The following RASGEF1A variants were observed in gnomAD, a reference collection of about 807,000 sequenced individuals.
RASGEF1A encodes ras-GEF domain-containing family member 1A.
Under a neutral mutation model 56.4 loss-of-function variants are expected in RASGEF1A, and 18 were observed. That is an observed-to-expected ratio of 0.32 (90% CI 0.22 to 0.47). RASGEF1A has a LOEUF of 0.47. Ranked by LOEUF, RASGEF1A falls within the 20% of genes least tolerant of loss-of-function variation. The pLI, the probability that RASGEF1A is intolerant of heterozygous loss-of-function variation, is 1.00. For missense variants in RASGEF1A, 422 were observed against 627.1 expected (o/e 0.67, Z 3.49); for synonymous variants, 245 against 242.6 (o/e 1.01, Z -0.09).
Position 43,264,346 on chromosome 10 carries a change from C to T in RASGEF1A, c.-7+2499G>A, listed in dbSNP as rs79252086. ...GGGCAGTGAGCCCTCTCTGGACCCC[C>T]GCAGGTCAGGCTGACAGCCATAGGG... On this transcript the variant is annotated intron_variant, in intron 1 of 12. Coordinates refer to ENST00000395810, the MANE Select transcript of RASGEF1A (RefSeq NM_145313.4). 2.1e-4 allele frequency among the ~76,000 whole-genome samples: 32 copies of T among 151,072 alleles called. No individual in the cohort carries two copies. In the East Asian group the frequency reaches 6.6e-3, roughly 31 times the overall value.
intron 3 of RASGEF1A, 98 bp downstream of exon 3, chr10:43,203,200 G>A: frequency 2.2e-6 from 2 of 929,062 alleles, no homozygotes; most frequent in Non-Finnish European, 1.4e-6. Context: ...CCATCCCCCA[G>A]CTCTACCGTG....
In RASGEF1A at chr10:43,224,768, T is replaced by C. The variant is rs117396014; in HGVS notation, c.-6-18646A>G. ...CATAATAAGATAAGAAAACTAAAGA[T>C]ACATTAGAAATAAAGAAGTTGGCTG... On this transcript the variant is annotated intron_variant, in intron 1 of 12. Coordinates refer to ENST00000395810, the MANE Select transcript of RASGEF1A (RefSeq NM_145313.4). Among the ~76,000 whole-genome samples the C allele has an allele frequency of 6.1e-4, 93 of 152,326 alleles. 1 individual carries two copies. In the East Asian group the frequency reaches 0.016, roughly 26 times the overall value.
chr10:43,201,398 C>G (rs926552328), intron 4 of RASGEF1A, among the ~76,000 whole-genome samples: 2 of 152,166 alleles, frequency 1.3e-5, no homozygotes, highest in African/African-American at 4.8e-5. Context: ...AGTTCTCTCT[C>G]CACCAAAGGC....
chr10:43,197,580 C>A (rs972633584), intron 10 of RASGEF1A, among the ~76,000 whole-genome samples: 6 of 152,204 alleles, frequency 3.9e-5, no homozygotes, highest in African/African-American at 1.4e-4. Context: ...ACCCTCCCAT[C>A]CTCACCAGGT....
At chr10:43,243,849 A>G (rs943539370) in intron 1 of RASGEF1A, among the ~76,000 whole-genome samples, 1 of 150,864 alleles carries the variant, frequency 6.6e-6, no homozygotes, top group Non-Finnish European at 1.5e-5. Flanking sequence ...CGCCTCTGCC[A>G]GGCCGCCCCG....
At chr10:43,203,911 G>T in intron 2 of RASGEF1A, 2 of 404,454 alleles carry the variant, frequency 4.9e-6, no homozygotes, top group Non-Finnish European at 6.6e-6. Context: ...TCATCAGCAG[G>T]GGCGGGGCCC....
intron 1 of RASGEF1A, among the ~76,000 whole-genome samples, chr10:43,217,426 G>A (rs925948807): frequency 5.3e-5 from 8 of 152,274 alleles, no homozygotes; most frequent in South Asian, 2.1e-4. Flanking sequence ...TGGACGACCC[G>A]CCTCAGCGCC....
At chr10:43,230,366 C>T (rs1840349874) in intron 1 of RASGEF1A, among the ~76,000 whole-genome samples, 2 of 152,200 alleles carry the variant, frequency 1.3e-5, no homozygotes, top group African/African-American at 4.8e-5. Context: ...GCACATGGCA[C>T]AGTGAGGCTC....
chr10:43,230,433 C>T (rs1840350830), intron 1 of RASGEF1A, among the ~76,000 whole-genome samples: 2 of 152,136 alleles, frequency 1.3e-5, no homozygotes, highest in East Asian at 3.9e-4. Context: ...GGGGCTACCC[C>T]TCTGCGCATT....
chr10:43,219,547 ACCAGCAATCTGTCCTGC>A (rs1158982225), intron 1 of RASGEF1A, among the ~76,000 whole-genome samples: 1 of 152,208 alleles, frequency 6.6e-6, no homozygotes, highest in Admixed American at 6.5e-5. Context: ...GTAGGAAGGC[ACCAGCAATCTGTCCTGC>A]CCAGGCCCAC....
intron 1 of RASGEF1A, among the ~76,000 whole-genome samples, chr10:43,231,854 A>G (rs1476627195): frequency 1.3e-5 from 2 of 152,256 alleles, no homozygotes; most frequent in African/African-American, 4.8e-5. Context: ...CCTGAGGCAG[A>G]ATCCCACTGC....
chr10:43,200,493 A>C (rs1333957325), intron 5 of RASGEF1A, among the ~76,000 whole-genome samples, 174 bp downstream of exon 5: 1 of 152,166 alleles, frequency 6.6e-6, no homozygotes, highest in Non-Finnish European at 1.5e-5. Context: ...CCAGGCACAG[A>C]GGTGCCCGCC....
rs138791792 is a variant in RASGEF1A at position 43,195,251 on chromosome 10, C to T, written c.*993G>A. Reference sequence around the variant, plus strand: ...CTCCTCTAGCTGGGTGTAGAAAACACCTCTCAGTATTGGGCAGTTTTATCT... The same window carrying T: ...CTCCTCTAGCTGGGTGTAGAAAACATCTCTCAGTATTGGGCAGTTTTATCT... On this transcript the variant is annotated 3_prime_UTR_variant, in exon 13 of 13. Coordinates refer to ENST00000395810, the MANE Select transcript of RASGEF1A (RefSeq NM_145313.4). The surrounding 1 kb of genome is among the most constrained non-coding windows in gnomAD (Gnocchi z 4.2). 2.6e-4 allele frequency: 39 copies of T among 152,372 alleles called. No individual in the cohort carries two copies. The highest frequency in any genetic ancestry group is 7.5e-4 in the African/African-American group (31 of 41,578). 9.4% of individuals were successfully genotyped at this position (152,372 alleles called of 1,614,324 possible).
intron 1 of RASGEF1A, among the ~76,000 whole-genome samples, chr10:43,250,875 A>T (rs919816479): frequency 6.6e-6 from 1 of 152,190 alleles, no homozygotes; most frequent in African/African-American, 2.4e-5. Context: ...ACAAGGCTCA[A>T]TGGACCCAGG....
intron 1 of RASGEF1A, among the ~76,000 whole-genome samples, chr10:43,222,031 G>A (rs1395899565): frequency 6.6e-6 from 1 of 152,192 alleles, no homozygotes; most frequent in Non-Finnish European, 1.5e-5. Flanking sequence ...GCAAACCCCA[G>A]AGTGACTTAC....
intron 1 of RASGEF1A, among the ~76,000 whole-genome samples, chr10:43,223,740 G>A (rs1840237971): frequency 6.6e-6 from 1 of 152,146 alleles, no homozygotes; most frequent in Non-Finnish European, 1.5e-5. Flanking sequence ...AAAGAAGAAA[G>A]GGAGGGAGGG....
At chr10:43,248,026 C>T (rs1840585541) in intron 1 of RASGEF1A, among the ~76,000 whole-genome samples, 2 of 149,178 alleles carry the variant, frequency 1.3e-5, no homozygotes, top group African/African-American at 5.0e-5. Context: ...TAGTAAGACC[C>T]CCCATTTCTA....
At chr10:43,226,726 A>G (rs1564536289) in intron 1 of RASGEF1A, among the ~76,000 whole-genome samples, 1 of 152,102 alleles carries the variant, frequency 6.6e-6, no homozygotes, top group African/African-American at 2.4e-5. Flanking sequence ...CTGGACCTCA[A>G]TTTCCCCAGA....
intron 2 of RASGEF1A, among the ~76,000 whole-genome samples, chr10:43,205,248 G>C (rs1839976617): frequency 6.6e-6 from 1 of 152,202 alleles, no homozygotes; most frequent in Non-Finnish European, 1.5e-5. Context: ...CAGCTCACAA[G>C]AGGGAGCTGG....
Sources: gnomAD v4.1 joint callset for allele counts (sites outside exome capture counted in the v4.1 genomes callset) on GRCh38, gnomAD v4.1.1 for gene constraint, Gnocchi (gnomAD v3.1) non-coding constraint, MANE v1.5 for transcripts, NCBI Gene and HGNC (gene_info 2026-07-23, HGNC 2026-07-21) for gene names.